The following CNBD1 variants were observed in gnomAD, a reference collection of about 807,000 sequenced individuals.
The protein encoded by CNBD1 is cyclic nucleotide binding domain containing 1, also known as cyclic nucleotide-binding domain-containing protein 1.
In CNBD1, 71 loss-of-function variants were observed where a neutral mutation model predicts 54.4. The ratio of observed to expected loss-of-function variants is 1.30; its 90% CI spans 1.08 to 1.59. CNBD1 has a LOEUF of 1.59. Among genes scored for constraint, CNBD1 ranks in the 40% most tolerant of loss-of-function variants. The probability of loss-of-function intolerance (pLI) is 0.00; values close to 1 mark genes in which losing one functional copy is unlikely to be tolerated. For missense variants in CNBD1, 659 were observed against 518.0 expected, an observed-to-expected ratio of 1.27 and a Z score of -2.64; for synonymous variants, 182 against 170.7, an observed-to-expected ratio of 1.07 and a Z score of -0.51.
At chr8:87,026,714 T>C (rs6982526) in intron 4 of CNBD1, among the ~76,000 whole-genome samples, 36,242 of 152,140 alleles carry the variant, frequency 0.24, 4,660 homozygotes, top group South Asian at 0.38. Flanking sequence ...CAAATCTCTT[T>C]CCCGTACTTA....
intron 8 of CNBD1, among the ~76,000 whole-genome samples, chr8:87,338,149 A>C (rs1246944887): frequency 6.6e-6 from 1 of 152,190 alleles, no homozygotes; most frequent in Non-Finnish European, 1.5e-5. Context: ...ACCACTTCAC[A>C]GAAAGTGTGA....
intron 4 of CNBD1, among the ~76,000 whole-genome samples, chr8:86,996,207 G>A (rs775982207): frequency 4.6e-5 from 7 of 151,950 alleles, no homozygotes; most frequent in Non-Finnish European, 7.4e-5. Context: ...GATCTCTTCC[G>A]TTGACTGTGA....
At chr8:87,026,691 T>C (rs1809653332) in intron 4 of CNBD1, among the ~76,000 whole-genome samples, 1 of 152,206 alleles carries the variant, frequency 6.6e-6, no homozygotes, top group Admixed American at 6.5e-5. Context: ...ATCTTTGTTT[T>C]CATAACTTCC....
intron 4 of CNBD1, among the ~76,000 whole-genome samples, chr8:86,963,561 G>C (rs1409916188): frequency 6.6e-6 from 1 of 152,156 alleles, no homozygotes; most frequent in Non-Finnish European, 1.5e-5. Flanking sequence ...ATCACAAGTA[G>C]GTGAAGCTGT....
intron 8 of CNBD1, among the ~76,000 whole-genome samples, chr8:87,327,122 C>T (rs1809689023): frequency 1.4e-5 from 2 of 144,402 alleles, no homozygotes; most frequent in African/African-American, 5.2e-5. Context: ...GCTCGGGGGT[C>T]AGGGGTCAGG....
chr8:87,307,569 C>G (rs1430847170), intron 8 of CNBD1, among the ~76,000 whole-genome samples: 3 of 151,992 alleles, frequency 2.0e-5, no homozygotes, highest in East Asian at 3.9e-4. Context: ...GAAGTGTCAT[C>G]TCTACTAAAA....
At chr8:87,345,252 G>A (rs1586033031) in intron 8 of CNBD1, among the ~76,000 whole-genome samples, 1 of 152,116 alleles carries the variant, frequency 6.6e-6, no homozygotes. Flanking sequence ...ATTCAACATA[G>A]TGCTAGAAAA....
chr8:87,055,795 CT>C (rs1250985158), intron 4 of CNBD1, among the ~76,000 whole-genome samples: 1 of 149,540 alleles, frequency 6.7e-6, no homozygotes, highest in East Asian at 2.0e-4. Flanking sequence ...CTCTGCTTCC[CT>C]TTCTTTTCAT....
intron 4 of CNBD1, among the ~76,000 whole-genome samples, chr8:87,049,251 A>G (rs2130621277): frequency 6.6e-6 from 1 of 152,228 alleles, no homozygotes; most frequent in Middle Eastern, 3.4e-3. Flanking sequence ...GCCACTTCCT[A>G]CAGAAGGAAA....
At chr8:87,251,914 T>A (rs1807927014) in intron 6 of CNBD1, among the ~76,000 whole-genome samples, 1 of 152,126 alleles carries the variant, frequency 6.6e-6, no homozygotes, top group Non-Finnish European at 1.5e-5. Context: ...GAAAGTATTT[T>A]TTTTTTCTGA....
intron 3 of CNBD1, among the ~76,000 whole-genome samples, chr8:86,909,119 CA>C (rs1809063277): frequency 6.6e-6 from 1 of 152,044 alleles, no homozygotes; most frequent in Admixed American, 6.6e-5. Context: ...ACATAATGGT[CA>C]TTTTTTTTAA....
chr8:87,107,159 T>C (rs1434832243), intron 4 of CNBD1, among the ~76,000 whole-genome samples: 1 of 152,162 alleles, frequency 6.6e-6, no homozygotes, highest in Non-Finnish European at 1.5e-5. Context: ...TTTTCACTGA[T>C]GTCTTAAAAG....
intron 4 of CNBD1, among the ~76,000 whole-genome samples, chr8:87,138,516 T>A (rs536201569): frequency 6.6e-6 from 1 of 152,212 alleles, no homozygotes; most frequent in Non-Finnish European, 1.5e-5. Flanking sequence ...ATAAACTTAC[T>A]GCACAAACGC....
intron 8 of CNBD1, among the ~76,000 whole-genome samples, chr8:87,347,250 T>C (rs1471079467): frequency 6.6e-6 from 1 of 152,128 alleles, no homozygotes; most frequent in African/African-American, 2.4e-5. Flanking sequence ...GAGGACTACT[T>C]GGGGAAGGGT....
intron 8 of CNBD1, among the ~76,000 whole-genome samples, chr8:87,290,651 T>C (rs1563539689): frequency 6.6e-6 from 1 of 152,186 alleles, no homozygotes; most frequent in Non-Finnish European, 1.5e-5. Flanking sequence ...TGAGGGAGTA[T>C]ATGCTAGTAA....
intron 4 of CNBD1, among the ~76,000 whole-genome samples, chr8:87,092,343 C>A (rs1563465356): frequency 6.9e-6 from 1 of 145,014 alleles, no homozygotes; most frequent in Non-Finnish European, 1.5e-5. Context: ...AATACTGGCT[C>A]AGTGTGTGTG....
intron 4 of CNBD1, among the ~76,000 whole-genome samples, chr8:86,959,172 T>G (rs113578521): frequency 1.5e-4 from 23 of 152,338 alleles, no homozygotes; most frequent in African/African-American, 5.1e-4. Flanking sequence ...TGTTGAATAT[T>G]GGCCTCCACT....
At chr8:86,929,658 A>G (rs1441504853) in intron 3 of CNBD1, among the ~76,000 whole-genome samples, 1 of 152,216 alleles carries the variant, frequency 6.6e-6, no homozygotes, top group Non-Finnish European at 1.5e-5. Flanking sequence ...AATTTGAAGC[A>G]TCAGTCCCTC....
At chr8:87,035,040 G>A (rs1478368373) in intron 4 of CNBD1, among the ~76,000 whole-genome samples, 1 of 152,044 alleles carries the variant, frequency 6.6e-6, no homozygotes, top group Non-Finnish European at 1.5e-5. Flanking sequence ...GGATTTGGAA[G>A]GGGAGTTGTC....
Sources: gnomAD v4.1 joint callset for allele counts (sites outside exome capture counted in the v4.1 genomes callset) on GRCh38, gnomAD v4.1.1 for gene constraint, MANE v1.5 for transcripts, NCBI Gene and HGNC (gene_info 2026-07-23, HGNC 2026-07-21) for gene names.